The following DNAH5 variants were observed in gnomAD, a reference collection of about 807,000 sequenced individuals.
DNAH5 encodes the protein axonemal beta dynein heavy chain 5.
Under a neutral mutation model 518.2 loss-of-function variants are expected in DNAH5, and 372 were observed. The observed-to-expected ratio is 0.72, with a 90% CI of 0.66 to 0.78. DNAH5 has a LOEUF of 0.78. Among genes scored for constraint, DNAH5 ranks in the 30% least tolerant of loss-of-function variants. The probability of loss-of-function intolerance (pLI) is 0.00; values close to 1 mark genes in which losing one functional copy is unlikely to be tolerated. For synonymous variants in DNAH5, 2,039 were observed against 2,025.9 expected (o/e 1.01, Z -0.17); for missense variants, 5,523 against 5,687.0 (o/e 0.97, Z 0.93).
At chr5:13,945,394 T>C (rs1425914862), upstream of DNAH5, among the ~76,000 whole-genome samples, 1 of 152,224 alleles carries the variant, frequency 6.6e-6, no homozygotes, top group Non-Finnish European at 1.5e-5. Context: ...GAACTCATCC[T>C]GGTAACATCC....
intron 58 of DNAH5, among the ~76,000 whole-genome samples, chr5:13,767,902 C>T (rs1379705245): frequency 1.3e-5 from 2 of 152,192 alleles, no homozygotes; most frequent in African/African-American, 2.4e-5. Flanking sequence ...GGAAGAGACA[C>T]ATTCTTTGCA....
rs1762003550 is a variant in DNAH5, at chr5:13,820,001, C to A, written c.6841+345G>T. ...CCCTGACCTTAACTCTGAGTCCCAT[C>A]ACTTACCATCTTTGTGACCGTGGGC... On this transcript the variant is annotated intron_variant, in intron 41 of 78. Transcript: ENST00000265104. Among the ~76,000 whole-genome samples the A allele has an allele frequency of 2.0e-5, 3 of 152,244 alleles. No homozygotes were observed. The South Asian group carries it at 6.2e-4, about 32-fold the overall frequency.
chr5:13,949,662 G>A (rs1166900278), upstream of DNAH5, among the ~76,000 whole-genome samples: 1 of 152,232 alleles, frequency 6.6e-6, no homozygotes. Context: ...TTTGGAGGAA[G>A]AGAGCGGCTT....
chr5:13,871,992 G>T (rs2151921095), intron 22 of DNAH5, among the ~76,000 whole-genome samples: 1 of 152,278 alleles, frequency 6.6e-6, no homozygotes, highest in East Asian at 1.9e-4. Flanking sequence ...AAATGGGAGA[G>T]GAGCAGTTTC....
intron 33 of DNAH5, 83 bp from the exon 34 acceptor site, chr5:13,841,213 G>T: frequency 1.8e-6 from 2 of 1,096,968 alleles, no homozygotes; most frequent in Non-Finnish European, 2.7e-6. Flanking sequence ...CAACAGCTGT[G>T]ATTGTTACAC....
At chr5:13,736,792 G>T (rs1747535173) in intron 66 of DNAH5, among the ~76,000 whole-genome samples, 1 of 152,202 alleles carries the variant, frequency 6.6e-6, no homozygotes, top group South Asian at 2.1e-4. Flanking sequence ...TATTTAGCAG[G>T]TTTCTCTTGT....
chr5:13,929,547 T>C (rs1221984722), intron 2 of DNAH5, among the ~76,000 whole-genome samples: 1 of 152,172 alleles, frequency 6.6e-6, no homozygotes, highest in Non-Finnish European at 1.5e-5. Context: ...CCTGAACAAT[T>C]AAATGTGAAA....
chr5:13,929,364 T>C (rs1463554956), intron 2 of DNAH5, among the ~76,000 whole-genome samples: 2 of 152,198 alleles, frequency 1.3e-5, no homozygotes, highest in Non-Finnish European at 2.9e-5. Context: ...GGTAGTTTAA[T>C]GGGTACAGCG....
At chr5:13,844,504 C>T (rs554285807) in intron 32 of DNAH5, among the ~76,000 whole-genome samples, 7 of 152,262 alleles carry the variant, frequency 4.6e-5, no homozygotes, top group African/African-American at 1.7e-4. Context: ...AGGGCAATTC[C>T]GTTTAGTTAA....
intron 76 of DNAH5, among the ~76,000 whole-genome samples, chr5:13,702,295 C>T (rs1742219509): frequency 6.6e-6 from 1 of 152,076 alleles, no homozygotes; most frequent in Non-Finnish European, 1.5e-5. Context: ...AATTAATTTG[C>T]CTATTTTTCA....
intron 8 of DNAH5, 24 bp from the exon 9 acceptor site, chr5:13,916,479 C>A (rs1485142339): frequency 1.5e-6 from 2 of 1,337,422 alleles, no homozygotes; most frequent in Non-Finnish European, 1.1e-6. Context: ...CCAAAGTTTT[C>A]AGAAAAAATC....
At position 13,900,464 on chromosome 5, in the gene DNAH5, G is replaced by A. The variant is rs773762318; in HGVS notation, c.2053-52C>T. ...TATCAGAAAGTTCAATTCATGCAGA[G>A]TATCTAGCTCAGCTATCTCTAGGAA... is the stretch of plus-strand genomic sequence containing the variant. On this transcript the variant is annotated intron_variant, in intron 14 of 78. Transcript: ENST00000265104. 4.9e-6 allele frequency: 7 copies of A among 1,421,040 alleles called. No individual in the cohort carries two copies. In the East Asian group the frequency reaches 1.6e-4, roughly 33 times the overall value. The allele number at this position is 1,421,040 out of a possible 1,614,324, so 88.0% of individuals were successfully genotyped here. A position where few individuals can be genotyped will look rare whatever the true frequency, so the allele number is the denominator to read the frequency against.
At chr5:13,802,926 C>T (rs747351706) in intron 47 of DNAH5, among the ~76,000 whole-genome samples, 2 of 151,888 alleles carry the variant, frequency 1.3e-5, no homozygotes, top group Non-Finnish European at 2.9e-5. Context: ...ATCATATGTA[C>T]GTACATAAAT....
Position 13,768,549 on chromosome 5 carries a change from A to G in DNAH5, c.9897+411T>C, listed in dbSNP as rs537842090. 3.3e-5 allele frequency among the ~76,000 whole-genome samples: 5 copies of G among 152,312 alleles called. No individual in the cohort carries two copies. The East Asian group carries it at 9.7e-4, about 29-fold the overall frequency. On this transcript the variant is annotated intron_variant, in intron 58 of 78. Transcript: ENST00000265104. Reference sequence around the variant, plus strand: ...CATTAATGTGCTACATCAGACCAGCAGCTCTCTATTTGGGTAATTCATAGA... The same window carrying G: ...CATTAATGTGCTACATCAGACCAGCGGCTCTCTATTTGGGTAATTCATAGA...
intron 33 of DNAH5, among the ~76,000 whole-genome samples, 172 bp from the exon 34 acceptor site, chr5:13,841,302 T>TCAA (rs1190197315): frequency 7.2e-5 from 11 of 152,210 alleles, no homozygotes; most frequent in Non-Finnish European, 1.0e-4. Context: ...TCATTTTGAG[T>TCAA]CATTTATGTT....
chr5:13,975,321 A>T (rs111832692), intron 1 of DNAH5, among the ~76,000 whole-genome samples: 3 of 152,088 alleles, frequency 2.0e-5, no homozygotes, highest in Non-Finnish European at 4.4e-5. Context: ...CCATGATTCA[A>T]TTATCTCCCA....
chr5:13,850,517 G>A (rs1766680504), intron 31 of DNAH5, 135 bp downstream of exon 31: 1 of 729,928 alleles, frequency 1.4e-6, no homozygotes, highest in Non-Finnish European at 2.4e-6. Flanking sequence ...CAAAATATCA[G>A]TTTCATCTGT....
At chr5:13,781,064 A>G in intron 52 of DNAH5, 105 bp from the exon 53 acceptor site, 2 of 1,320,474 alleles carry the variant, frequency 1.5e-6, no homozygotes, top group South Asian at 2.5e-5. Context: ...TTTGGAAGAT[A>G]TAGGTGTCTC....
intron 30 of DNAH5, among the ~76,000 whole-genome samples, chr5:13,859,245 T>G (rs1340199817): frequency 6.6e-6 from 1 of 152,164 alleles, no homozygotes; most frequent in African/African-American, 2.4e-5. Flanking sequence ...CTCCACAGTT[T>G]TACAGCATTC....
Sources: gnomAD v4.1 joint callset for allele counts (sites outside exome capture counted in the v4.1 genomes callset) on GRCh38, gnomAD v4.1.1 for gene constraint, MANE v1.5 for transcripts, NCBI Gene and HGNC (gene_info 2026-07-23, HGNC 2026-07-21) for gene names.